The following TRIM16 variants were observed in gnomAD, a reference collection of about 807,000 sequenced individuals.
The protein encoded by TRIM16 is tripartite motif-containing protein 16.
TRIM16 carries 33 observed loss-of-function variants against 50.4 expected under a neutral mutation model. The observed-to-expected ratio is 0.65, with a 90% CI of 0.50 to 0.88. The LOEUF (loss-of-function observed/expected upper bound fraction) is 0.88, where lower values mean the gene tolerates loss of function less well. Among genes scored for constraint, TRIM16 ranks in the 40% least tolerant of loss-of-function variants. TRIM16 has a pLI of 0.00. For synonymous variants in TRIM16, 229 were observed against 270.7 expected (o/e 0.85, Z 1.51); for missense variants, 581 against 686.8 (o/e 0.85, Z 1.72).
At chr17:15,638,639 A>C (rs1201260196) in intron 8 of TRIM16, among the ~76,000 whole-genome samples, 1 of 149,088 alleles carries the variant, frequency 6.7e-6, no homozygotes, top group Non-Finnish European at 1.5e-5. Context: ...AGGGCTCCAA[A>C]GTGAGTCAAA....
At chr17:15,647,363 C>T (rs1490816879) in intron 7 of TRIM16, among the ~76,000 whole-genome samples, 1 of 152,246 alleles carries the variant, frequency 6.6e-6, no homozygotes, top group Non-Finnish European at 1.5e-5. Context: ...GTTAACCGCT[C>T]CCCAGATGAG....
intron 6 of TRIM16, among the ~76,000 whole-genome samples, chr17:15,676,592 C>T (rs951014482): frequency 2.6e-5 from 4 of 151,304 alleles, no homozygotes; most frequent in East Asian, 1.9e-4. Context: ...CCCGCCACCA[C>T]GCCCGGCTAA....
At chr17:15,681,539 CA>C (rs1567694551) in intron 3 of TRIM16, among the ~76,000 whole-genome samples, 1 of 152,208 alleles carries the variant, frequency 6.6e-6, no homozygotes, top group Non-Finnish European at 1.5e-5. Flanking sequence ...GTGTACTTGG[CA>C]GACAGCAGTC....
At chr17:15,639,876 CCT>C (rs1987039758) in intron 8 of TRIM16, among the ~76,000 whole-genome samples, 1 of 148,852 alleles carries the variant, frequency 6.7e-6, no homozygotes, top group Non-Finnish European at 1.5e-5. Context: ...TGACACTTCA[CCT>C]CTCTCCCTCT....
At chr17:15,638,697 G>A (rs1986971595) in intron 8 of TRIM16, among the ~76,000 whole-genome samples, 1 of 148,630 alleles carries the variant, frequency 6.7e-6, no homozygotes, top group Non-Finnish European at 1.5e-5. Context: ...CCCATCCCTG[G>A]CAAGGAAGGA....
At position 15,657,972 on chromosome 17, in the gene TRIM16, TC is replaced by T; in HGVS notation, c.-337-6027del. On this transcript the variant is annotated intron_variant, in intron 6 of 11. Transcript: ENST00000649191. ...AACAAATGTAACTTCACCTAGATAT[TC>T]TTTTTTCCTAAACCAAACCTACCAC... Among the ~76,000 whole-genome samples the T allele has an allele frequency of 2.6e-5, 4 of 152,338 alleles. No homozygotes were observed. In the East Asian group the frequency reaches 7.7e-4, roughly 29 times the overall value.
chr17:15,677,085 G>A (rs1988982820), intron 6 of TRIM16, 91 bp downstream of exon 6: 2 of 722,766 alleles, frequency 2.8e-6, no homozygotes, highest in Admixed American at 1.3e-4. Flanking sequence ...GAGACTGCAG[G>A]GGGATTCAAC....
chr17:15,672,916 T>C (rs1988783352), intron 6 of TRIM16, among the ~76,000 whole-genome samples: 1 of 152,250 alleles, frequency 6.6e-6, no homozygotes, highest in Admixed American at 6.5e-5. Context: ...AATTTTAATA[T>C]TTCTGGATCC....
Position 15,636,168 on chromosome 17 carries a change from C to G in TRIM16, c.717G>C (p.Glu239Asp). 1.9e-6 allele frequency: 3 copies of G among 1,609,832 alleles called. No individual in the cohort carries two copies. The highest frequency in any genetic ancestry group is 2.5e-6 in the Non-Finnish European group (3 of 1,178,884). ...AQANVMLFLE[E>D]KEQAALSQAN... Reference sequence around the variant, plus strand: ...CCTGGCTCAGCGCAGCTTGCTCCTTCTCCTCTAAGAAGAGCATCACATTGG... The same window carrying G: ...CCTGGCTCAGCGCAGCTTGCTCCTTGTCCTCTAAGAAGAGCATCACATTGG... Residue 239 changes from glutamate to aspartate, a missense_variant, in exon 9 of 12, where the codon GAG becomes GAC. Glu to Asp is a conservative substitution (Grantham distance 45). Around this residue, in one of 3 missense-constraint regions of TRIM16, gnomAD observed 450 missense variants for 544.3 expected, o/e 0.83. Coordinates refer to ENST00000649191, the MANE Select transcript of TRIM16 (RefSeq NM_001348119.1).
intron 6 of TRIM16, among the ~76,000 whole-genome samples, chr17:15,669,718 A>G (rs1246374314): frequency 6.6e-6 from 1 of 152,286 alleles, no homozygotes; most frequent in Non-Finnish European, 1.5e-5. Flanking sequence ...ACATTGCAGC[A>G]GGAGGCTGTA....
chr17:15,651,882 T>A lies in TRIM16; in HGVS notation c.-273A>T. 7.2e-7 allele frequency: 1 copy of A among 1,388,328 alleles called. No homozygotes were observed. The highest frequency in any genetic ancestry group is 9.3e-7 in the Non-Finnish European group (1 of 1,071,434). 86.0% of individuals were successfully genotyped at this position (1,388,328 alleles called of 1,614,324 possible). A position where few individuals can be genotyped will look rare whatever the true frequency, so the allele number is the denominator to read the frequency against. On this transcript the variant is annotated 5_prime_UTR_variant, in exon 7 of 12. Coordinates refer to ENST00000649191, the MANE Select transcript of TRIM16 (RefSeq NM_001348119.1). Reference sequence around the variant, plus strand: ...TCCCCAGGTCCAGCCCTGAAACTTCTATTCTTATGTGAATCATCTGAACCC... The same window carrying A: ...TCCCCAGGTCCAGCCCTGAAACTTCAATTCTTATGTGAATCATCTGAACCC...
chr17:15,670,565 AC>A (rs1174886573), intron 6 of TRIM16, among the ~76,000 whole-genome samples: 1 of 152,074 alleles, frequency 6.6e-6, no homozygotes, highest in Non-Finnish European at 1.5e-5. Context: ...ATATCATTTA[AC>A]CTTTCCAGAT....
chr17:15,631,802 G>GAA, intron 10 of TRIM16, 88 bp from the exon 11 acceptor site: 2 of 1,224,098 alleles, frequency 1.6e-6, no homozygotes, highest in Non-Finnish European at 2.4e-6. Context: ...CCCTTCCCTG[G>GAA]GCTTCCTGGG....
At chr17:15,632,357 A>G (rs1046373951) in intron 10 of TRIM16, 152 bp downstream of exon 10, 12 of 1,165,406 alleles carry the variant, frequency 1.0e-5, no homozygotes, top group Non-Finnish European at 6.9e-6. Context: ...AGCCTGGGTG[A>G]CAGAGCAAGA....
At chr17:15,645,730 G>A (rs1402631233) in intron 7 of TRIM16, among the ~76,000 whole-genome samples, 2 of 152,360 alleles carry the variant, frequency 1.3e-5, no homozygotes, top group Non-Finnish European at 2.9e-5. Flanking sequence ...GGAAGCAGCT[G>A]CAGGCAGAGG....
chr17:15,654,870 T>C (rs1412710859), intron 6 of TRIM16, among the ~76,000 whole-genome samples: 1 of 152,120 alleles, frequency 6.6e-6, no homozygotes, highest in African/African-American at 2.4e-5. Context: ...AAATAATAAA[T>C]AATAAGTATC....
chr17:15,658,322 A>G (rs1214135780), intron 6 of TRIM16, among the ~76,000 whole-genome samples: 1 of 152,208 alleles, frequency 6.6e-6, no homozygotes, highest in African/African-American at 2.4e-5. Context: ...GACTCTCTCT[A>G]GCAGTTTCTG....
intron 7 of TRIM16, among the ~76,000 whole-genome samples, chr17:15,647,704 G>A (rs1015917452): frequency 2.0e-5 from 3 of 152,096 alleles, no homozygotes; most frequent in South Asian, 2.1e-4. Flanking sequence ...AGCACTTAGC[G>A]ATAGGAAGCA....
chr17:15,648,815 C>G (rs1987543989), intron 7 of TRIM16, among the ~76,000 whole-genome samples: 1 of 152,186 alleles, frequency 6.6e-6, no homozygotes, highest in Non-Finnish European at 1.5e-5. Flanking sequence ...GCTACACTTA[C>G]AGAGTAAACT....
Sources: gnomAD v4.1 joint callset for allele counts (sites outside exome capture counted in the v4.1 genomes callset) on GRCh38, gnomAD v4.1.1 for gene constraint, gnomAD v4.1.1 regional missense constraint, MANE v1.5 for transcripts, NCBI Gene and HGNC (gene_info 2026-07-23, HGNC 2026-07-21) for gene names.